Variants in USP25 observed in about 807,000 individuals in gnomAD.
USP25 encodes the protein ubiquitin specific peptidase 25.
In USP25, 85 loss-of-function variants were observed where a neutral mutation model predicts 158.5. The observed-to-expected ratio is 0.54, with a 90% CI of 0.45 to 0.64. USP25 has a LOEUF of 0.64. Among genes scored for constraint, USP25 ranks in the 30% least tolerant of loss-of-function variants. The pLI is 0.00. For synonymous variants in USP25, 464 were observed against 460.4 expected (o/e 1.01, Z -0.10); for missense variants, 1,242 against 1,327.3 (o/e 0.94, Z 1.00).
intron 5 of USP25, among the ~76,000 whole-genome samples, chr21:15,796,026 T>C (rs1291941666): frequency 6.6e-6 from 1 of 151,636 alleles, no homozygotes; most frequent in African/African-American, 2.4e-5. Flanking sequence ...ATTATGTCTT[T>C]GTTATTAGCA....
intron 1 of USP25, among the ~76,000 whole-genome samples, chr21:15,749,394 T>G (rs1363038989): frequency 2.0e-5 from 3 of 152,236 alleles, no homozygotes; most frequent in Non-Finnish European, 4.4e-5. Context: ...ATTTTCTGAT[T>G]TCTTTGCAAG....
At chr21:15,732,245 T>C (rs1251334160) in intron 1 of USP25, among the ~76,000 whole-genome samples, 1 of 152,214 alleles carries the variant, frequency 6.6e-6, no homozygotes, top group African/African-American at 2.4e-5. Context: ...TTTTAGATCA[T>C]TTCATTGTTA....
intron 21 of USP25, among the ~76,000 whole-genome samples, chr21:15,865,150 T>C (rs2039601779): frequency 6.6e-6 from 1 of 152,228 alleles, no homozygotes; most frequent in South Asian, 2.1e-4. Context: ...TTATAAAGAA[T>C]TATTCAGAAA....
chr21:15,842,493 G>GCAT lies in USP25; in HGVS notation c.2293_2295dup (p.Ser765dup). On this transcript the variant is annotated inframe_insertion, in exon 18 of 26. Coordinates refer to ENST00000400183, the MANE Select transcript of USP25 (RefSeq NM_001283041.3). ...AGAAACTATTCAAATAATTACCAAG[G>GCAT]CATCACATGAGCATGAAGATAAAAG... 6.2e-7 allele frequency: 1 copy of GCAT among 1,613,678 alleles called. No individual in the cohort carries two copies. Among genetic ancestry groups the GCAT allele is most frequent in the Middle Eastern group, 1.7e-4 (1 of 6,058 alleles).
intron 1 of USP25, among the ~76,000 whole-genome samples, chr21:15,747,459 C>T (rs1329869293): frequency 1.3e-5 from 2 of 151,490 alleles, no homozygotes; most frequent in African/African-American, 4.9e-5. Flanking sequence ...ATAAATTAGG[C>T]ACTATATAAC....
chr21:15,824,739 C>T (rs2037411476), intron 11 of USP25, among the ~76,000 whole-genome samples: 1 of 152,188 alleles, frequency 6.6e-6, no homozygotes, highest in Admixed American at 6.5e-5. Flanking sequence ...GTCTCAGCTT[C>T]CCGAGTAGCT....
At chr21:15,829,003 T>G (rs1167677277) in intron 14 of USP25, among the ~76,000 whole-genome samples, 1 of 152,192 alleles carries the variant, frequency 6.6e-6, no homozygotes, top group Non-Finnish European at 1.5e-5. Flanking sequence ...TTTTTTTTCT[T>G]TCTTTCATCC....
rs1264889576 is a variant in USP25, at chr21:15,843,044, A to G, written c.2337+504A>G. ...TTAGAAGGATAAGTAGGATGTTGCA[A>G]AACTGTTTGTGAATATTTTAAGAAC... is the stretch of plus-strand genomic sequence containing the variant. On this transcript the variant is annotated intron_variant, in intron 18 of 25. Transcript: ENST00000400183. The surrounding 1 kb of genome is among the most constrained non-coding windows in gnomAD (Gnocchi z 4.0). 6.6e-6 allele frequency among the ~76,000 whole-genome samples: 1 copy of G among 152,104 alleles called. No homozygotes were observed. The highest frequency in any genetic ancestry group is 1.9e-4 in the East Asian group (1 of 5,196).
At chr21:15,872,321 C>T (rs758980904) in intron 23 of USP25, among the ~76,000 whole-genome samples, 8 of 152,004 alleles carry the variant, frequency 5.3e-5, no homozygotes, top group East Asian at 1.9e-4. Flanking sequence ...AATATACATT[C>T]GTAAGCACTT....
chr21:15,796,271 A>G (rs185333064), intron 5 of USP25, among the ~76,000 whole-genome samples: 1 of 151,590 alleles, frequency 6.6e-6, no homozygotes. Flanking sequence ...ATTTGTTGTG[A>G]TAATCAATGG....
At chr21:15,737,246 G>A (rs2031609148) in intron 1 of USP25, among the ~76,000 whole-genome samples, 1 of 151,918 alleles carries the variant, frequency 6.6e-6, no homozygotes, top group South Asian at 2.1e-4. Context: ...TGCCAGTTCT[G>A]TATTTACTAC....
Position 15,730,221 on chromosome 21 carries a change from C to G in USP25, c.-173C>G, listed in dbSNP as rs1212607651. The G allele has an allele frequency of 3.0e-6, 2 of 660,220 alleles. No homozygotes were observed. Among genetic ancestry groups the G allele is most frequent in the Non-Finnish European group, 3.7e-6 (2 of 534,388 alleles). 40.9% of individuals were successfully genotyped at this position (660,220 alleles called of 1,614,324 possible). A position where few individuals can be genotyped will look rare whatever the true frequency, so the allele number is the denominator to read the frequency against. Reference sequence around the variant, plus strand: ...CAGTCGGCGTTTCGCCGCCTGCCCGCGGTGCCCGCGCACGCCGGCCGCCAT... The same window carrying G: ...CAGTCGGCGTTTCGCCGCCTGCCCGGGGTGCCCGCGCACGCCGGCCGCCAT... On this transcript the variant is annotated 5_prime_UTR_variant, in exon 1 of 26. Coordinates refer to ENST00000400183, the MANE Select transcript of USP25 (RefSeq NM_001283041.3).
chr21:15,791,749 T>C (rs1555836255), intron 5 of USP25, 85 bp downstream of exon 5: 1 of 1,410,740 alleles, frequency 7.1e-7, no homozygotes, highest in Non-Finnish European at 9.6e-7. Flanking sequence ...TTGTGTACTT[T>C]AAAGATAAGT....
intron 18 of USP25, among the ~76,000 whole-genome samples, chr21:15,844,277 A>T (rs1210210866): frequency 6.6e-6 from 1 of 152,140 alleles, no homozygotes; most frequent in Non-Finnish European, 1.5e-5. Context: ...CTAGAAGCTA[A>T]ATTGCACAGG....
chr21:15,860,773 A>G (rs2146538620), intron 20 of USP25, among the ~76,000 whole-genome samples: 1 of 152,186 alleles, frequency 6.6e-6, no homozygotes, highest in African/African-American at 2.4e-5. Context: ...TTTAGAGATA[A>G]GAGCAATCAG....
chr21:15,737,476 C>G (rs1037089379), intron 1 of USP25, among the ~76,000 whole-genome samples: 1 of 152,076 alleles, frequency 6.6e-6, no homozygotes, highest in African/African-American at 2.4e-5. Flanking sequence ...CGATAATAAC[C>G]TATATCCCTT....
At chr21:15,838,370 A>G (rs754215581) in intron 17 of USP25, among the ~76,000 whole-genome samples, 1 of 152,142 alleles carries the variant, frequency 6.6e-6, no homozygotes, top group Non-Finnish European at 1.5e-5. Flanking sequence ...TCCTCAGTGT[A>G]GGAGAACATA....
At position 15,847,742 on chromosome 21, in the gene USP25, T is replaced by C; in HGVS notation, c.2417T>C (p.Met806Thr). The change falls in exon 19 of 26, where the codon ATG (methionine) becomes ACG (threonine). Residue 806 changes from methionine to threonine, a missense_variant. Coordinates refer to ENST00000400183, the MANE Select transcript of USP25 (RefSeq NM_001283041.3). Reference protein sequence around the residue: ...EVAIPHVGKFMIESKEGGYDD... With the variant: ...EVAIPHVGKFTIESKEGGYDD... ...GCGATCCCTCATGTAGGGAAATTTA[T>C]GATTGAATCAAAGGAGGGGGGGTAT... The C allele has an allele frequency of 1.3e-6, 2 of 1,550,234 alleles. No individual in the cohort carries two copies. The highest frequency in any genetic ancestry group is 1.2e-5 in the South Asian group (1 of 84,048).
At chr21:15,806,349 TA>T (rs1777296803) in intron 7 of USP25, among the ~76,000 whole-genome samples, 1 of 152,068 alleles carries the variant, frequency 6.6e-6, no homozygotes, top group South Asian at 2.1e-4. Context: ...AGTATACAAT[TA>T]AATTTTTTAA....
Sources: gnomAD v4.1 joint callset for allele counts (sites outside exome capture counted in the v4.1 genomes callset) on GRCh38, gnomAD v4.1.1 for gene constraint, Gnocchi (gnomAD v3.1) non-coding constraint, MANE v1.5 for transcripts, NCBI Gene and HGNC (gene_info 2026-07-23, HGNC 2026-07-21) for gene names.